The following NAALADL2 variants were observed in gnomAD, a reference collection of about 807,000 sequenced individuals.
NAALADL2 encodes the protein N-acetylated alpha-linked acidic dipeptidase like 2.
Under a neutral mutation model 87.2 loss-of-function variants are expected in NAALADL2, and 76 were observed. The observed-to-expected ratio is 0.87, with a 90% CI of 0.72 to 1.05. The LOEUF is 1.05. NAALADL2 is among the 50% of genes least tolerant of loss of function. NAALADL2 has a pLI of 0.00. For synonymous variants in NAALADL2, 354 were observed against 331.0 expected (o/e 1.07, Z -0.75); for missense variants, 1,089 against 945.8 (o/e 1.15, Z -1.99).
At chr3:174,610,375 G>C (rs1207061733) in intron 2 of NAALADL2, among the ~76,000 whole-genome samples, 4 of 151,112 alleles carry the variant, frequency 2.6e-5, no homozygotes, top group Admixed American at 1.3e-4. Flanking sequence ...AGAGTGAACA[G>C]GCAACCTACA....
chr3:174,799,629 G>T (rs1418604426), intron 3 of NAALADL2, among the ~76,000 whole-genome samples: 1 of 152,182 alleles, frequency 6.6e-6, no homozygotes. Context: ...TCAGCAGTGT[G>T]AAAATGGACT....
At chr3:174,595,084 C>T (rs1018700242) in intron 2 of NAALADL2, among the ~76,000 whole-genome samples, 4 of 152,104 alleles carry the variant, frequency 2.6e-5, no homozygotes, top group South Asian at 2.1e-4. Flanking sequence ...CTTATTTCTG[C>T]GGCATAAAAA....
chr3:174,481,886 T>A lies in NAALADL2; in HGVS notation c.-184+40854T>A, dbSNP rs143451785. On this transcript the variant is annotated intron_variant, in intron 1 of 3. Coordinates refer to the NAALADL2 transcript ENST00000434257. ...CCAGGTTTTTATTGGGGGCTGGTCA[T>A]GTCAGCATCCTCTGGCCAGGTGCAT... Among the ~76,000 whole-genome samples, 265 of 152,180 alleles carry A rather than the reference T, an allele frequency of 1.7e-3. 1 individual carries two copies. The highest frequency in any genetic ancestry group is 6.2e-3 in the African/African-American group (259 of 41,544).
intron 13 of NAALADL2, among the ~76,000 whole-genome samples, chr3:175,776,545 G>T (rs907588253): frequency 2.6e-5 from 4 of 152,006 alleles, no homozygotes; most frequent in Admixed American, 2.6e-4. Context: ...GTCTTCAACT[G>T]CTTAATTTTA....
intron 11 of NAALADL2, among the ~76,000 whole-genome samples, chr3:175,693,845 C>T (rs189979817): frequency 1.1e-4 from 17 of 152,128 alleles, no homozygotes; most frequent in African/African-American, 4.1e-4. Flanking sequence ...ACTACAGACA[C>T]GCACCACCAT....
intron 1 of NAALADL2, among the ~76,000 whole-genome samples, chr3:174,547,963 A>G (rs906249931): frequency 4.6e-5 from 7 of 152,218 alleles, no homozygotes; most frequent in African/African-American, 1.7e-4. Context: ...ATAAAGCTAG[A>G]GGTGAAAAGG....
intron 5 of NAALADL2, among the ~76,000 whole-genome samples, chr3:175,369,251 C>T (rs9831571): frequency 0.5 from 73,859 of 149,190 alleles, 18,385 homozygotes; most frequent in East Asian, 0.67. Context: ...CCTGTGTGCG[C>T]GTGTGTATAT....
intron 10 of NAALADL2, among the ~76,000 whole-genome samples, chr3:175,579,287 T>C (rs1482522884): frequency 1.3e-5 from 2 of 152,154 alleles, no homozygotes; most frequent in Admixed American, 6.5e-5. Flanking sequence ...TGAATCATGA[T>C]AATAGGTGAA....
chr3:175,565,436 G>A (rs998384023), intron 9 of NAALADL2, among the ~76,000 whole-genome samples: 1 of 152,084 alleles, frequency 6.6e-6, no homozygotes, highest in African/African-American at 2.4e-5. Context: ...AAGCAAGAAT[G>A]GTCCTGAATT....
chr3:175,670,421 TTAATATATTTATATTAAATTTA>T (rs1389300910), intron 11 of NAALADL2, among the ~76,000 whole-genome samples: 8 of 146,316 alleles, frequency 5.5e-5, no homozygotes, highest in African/African-American at 2.0e-4. Flanking sequence ...AAATGTAAAT[TTAATATATTTATATTAAATTTA>T]TATTAAATGT....
chr3:174,876,435 T>A (rs1467487594), intron 1 of NAALADL2, among the ~76,000 whole-genome samples: 1 of 152,184 alleles, frequency 6.6e-6, no homozygotes. Context: ...TACTTCTGCA[T>A]AAAATGAACC....
At chr3:175,603,516 A>G (rs1267253828) in intron 10 of NAALADL2, among the ~76,000 whole-genome samples, 3 of 152,058 alleles carry the variant, frequency 2.0e-5, no homozygotes, top group Admixed American at 6.6e-5. Flanking sequence ...GTTAGTTTCT[A>G]TCTCTATGAT....
chr3:175,802,942 C>A, intron 13 of NAALADL2, 63 bp from the exon 14 acceptor site: 1 of 1,038,210 alleles, frequency 9.6e-7, no homozygotes, highest in East Asian at 2.6e-5. Flanking sequence ...ATATTCATTC[C>A]AACGTTTGAT....
At position 175,787,614 on chromosome 3, in the gene NAALADL2, C is replaced by T. The variant is rs562707163; in HGVS notation, c.2190-15391C>T. ...CCACTGACCTGCGCCCACTGTCTGG[C>T]GCTCCCTAGTGAGATGAACCCGGTA... On this transcript the variant is annotated intron_variant, in intron 13 of 13. Coordinates refer to ENST00000454872, the MANE Select transcript of NAALADL2 (RefSeq NM_207015.3). 1.6e-3 allele frequency among the ~76,000 whole-genome samples: 248 copies of T among 152,206 alleles called. 1 individual carries two copies. Among genetic ancestry groups the T allele is most frequent in the African/African-American group, 5.7e-3 (235 of 41,528 alleles).
At chr3:174,910,823 A>G (rs556981281) in intron 1 of NAALADL2, among the ~76,000 whole-genome samples, 2 of 152,218 alleles carry the variant, frequency 1.3e-5, no homozygotes, top group African/African-American at 4.8e-5. Context: ...ATGGGCCCCA[A>G]ATTAATAATG....
chr3:175,778,242 A>G (rs940687477), intron 13 of NAALADL2, among the ~76,000 whole-genome samples: 5 of 152,176 alleles, frequency 3.3e-5, no homozygotes, highest in Non-Finnish European at 7.4e-5. Context: ...TCCTGGTTTG[A>G]CCATAAGAAT....
intron 5 of NAALADL2, among the ~76,000 whole-genome samples, chr3:175,372,453 G>A (rs9848348): frequency 0.013 from 2,047 of 152,252 alleles, 15 homozygotes; most frequent in African/African-American, 0.034. Context: ...CGAATGAAGC[G>A]TTGGTGTTAA....
chr3:174,903,962 T>G (rs1034733484), intron 1 of NAALADL2, among the ~76,000 whole-genome samples: 2 of 147,654 alleles, frequency 1.4e-5, no homozygotes, highest in Non-Finnish European at 3.0e-5. Context: ...AATATCTATA[T>G]CTATATCTAT....
intron 11 of NAALADL2, among the ~76,000 whole-genome samples, chr3:175,708,497 AT>A (rs1332745518): frequency 6.6e-6 from 1 of 151,976 alleles, no homozygotes; most frequent in African/African-American, 2.4e-5. Flanking sequence ...TATTGCATCC[AT>A]TTTTCTGGGA....
Sources: allele counts gnomAD v4.1 joint callset (sites outside exome capture counted in the v4.1 genomes callset), GRCh38; gene constraint gnomAD v4.1.1; transcripts MANE v1.5; gene names NCBI Gene and HGNC (gene_info 2026-07-23, HGNC 2026-07-21).